SUPT20H: variants seen among roughly 807,000 people sequenced by gnomAD.
The protein encoded by SUPT20H is SPT20 homolog, SAGA complex component.
SUPT20H carries 82 observed loss-of-function variants against 122.8 expected under a neutral mutation model. The observed-to-expected ratio is 0.67, with a 90% CI of 0.56 to 0.80. The LOEUF (loss-of-function observed/expected upper bound fraction) is 0.80. Ranked by LOEUF, SUPT20H falls within the 30% of genes least tolerant of loss-of-function variation. SUPT20H has a pLI of 0.00. For missense variants in SUPT20H, 831 were observed against 921.6 expected (o/e 0.90, Z 1.27); for synonymous variants, 291 against 313.0 (o/e 0.93, Z 0.74).
chr13:37,023,266 G>A (rs1385298270), intron 19 of SUPT20H, among the ~76,000 whole-genome samples: 1 of 152,162 alleles, frequency 6.6e-6, no homozygotes, highest in Middle Eastern at 3.4e-3. Flanking sequence ...TATCTAATGC[G>A]AAGACCACCC....
chr13:37,056,711 C>G (rs547670147), intron 1 of SUPT20H, among the ~76,000 whole-genome samples: 1 of 150,902 alleles, frequency 6.6e-6, no homozygotes, highest in African/African-American at 2.4e-5. Flanking sequence ...CACATGTATA[C>G]ATATGTAACA....
intron 1 of SUPT20H, among the ~76,000 whole-genome samples, chr13:37,056,308 A>G (rs568723942): frequency 6.6e-6 from 1 of 152,372 alleles, no homozygotes; most frequent in African/African-American, 2.4e-5. Context: ...ATAAAGACAC[A>G]TGCACACGTA....
At chr13:37,050,505 TTC>T (rs1265829154) in intron 2 of SUPT20H, among the ~76,000 whole-genome samples, 41 of 152,132 alleles carry the variant, frequency 2.7e-4, no homozygotes, top group African/African-American at 9.9e-4. Context: ...ATACAGAAGG[TTC>T]TTTTAAATTT....
At chr13:37,042,027 G>A (rs1160147184) in intron 7 of SUPT20H, among the ~76,000 whole-genome samples, 1 of 152,196 alleles carries the variant, frequency 6.6e-6, no homozygotes, top group Non-Finnish European at 1.5e-5. Context: ...GTAGGAACAA[G>A]CTTGGAGTGT....
chr13:37,031,097 C>T (rs185576663), intron 12 of SUPT20H, among the ~76,000 whole-genome samples: 163 of 152,170 alleles, frequency 1.1e-3, no homozygotes, highest in Non-Finnish European at 1.8e-3. Flanking sequence ...ATAAAGAATA[C>T]AACCCAATGT....
In SUPT20H at chr13:37,022,956, C is replaced by A. The variant is rs1235590258; in HGVS notation, c.1592-876G>T. 2 of 1,243,080 alleles carry A rather than the reference C, an allele frequency of 1.6e-6. No individual in the cohort carries two copies. The highest frequency in any genetic ancestry group is 2.1e-6 in the Non-Finnish European group (2 of 966,632). 77.0% of individuals were successfully genotyped at this position (1,243,080 alleles called of 1,614,324 possible). ...TGTGAATGAAGTATGCACAGTTTAT[C>A]AATTTTTTAAAAAACAAAAACAAAA... On this transcript the variant is annotated intron_variant, in intron 19 of 25. Coordinates refer to ENST00000350612, the MANE Select transcript of SUPT20H (RefSeq NM_001014286.3). The surrounding 1 kb of genome is among the most constrained non-coding windows in gnomAD (Gnocchi z 4.5).
intron 5 of SUPT20H, 92 bp downstream of exon 5, chr13:37,047,443 A>T: frequency 7.7e-7 from 1 of 1,298,540 alleles, no homozygotes; most frequent in Non-Finnish European, 1.0e-6. Context: ...TAGTTCACTC[A>T]CACACACAAA....
chr13:37,051,416 A>C, intron 2 of SUPT20H, 72 bp downstream of exon 2: 2 of 1,484,552 alleles, frequency 1.3e-6, no homozygotes, highest in Middle Eastern at 2.0e-4. Flanking sequence ...TCTACCATAC[A>C]AATATCTTTA....
Position 37,047,883 on chromosome 13 carries a change from A to G in SUPT20H, c.93T>C (p.Ser31=), listed in dbSNP as rs1401111710. ...QRPPKRKYLS[S]GRKSVFQKLY... ...TACCAATTAATTATTCATACCTTCC[A>G]CTTGATAGGTATTTCCTTTTAGGAG... Residue 31 remains serine, a synonymous_variant, in exon 4 of 26, where the codon AGT becomes AGC. Transcript: ENST00000350612. 2 of 1,604,126 alleles carry G rather than the reference A, an allele frequency of 1.2e-6. No individual in the cohort carries two copies. The highest frequency in any genetic ancestry group is 1.7e-6 in the Non-Finnish European group (2 of 1,175,402).
chr13:37,033,535 G>A lies in SUPT20H; in HGVS notation c.621C>T (p.Leu207=). The change falls in exon 10 of 26, where the codon CTC becomes CTT. Residue 207 remains leucine, a synonymous_variant. Coordinates refer to ENST00000350612, the MANE Select transcript of SUPT20H (RefSeq NM_001014286.3). The stretch of plus-strand genomic sequence containing the variant: ...TGACTGCTATAGAAGGATCAAGACA[G>A]AGTGGTTCAGCTGTAGCTAGGATGA... ...SQLILATAEP[L]CLDPSIAVTC... 6.2e-7 allele frequency: 1 copy of A among 1,613,604 alleles called. No homozygotes were observed. The highest frequency in any genetic ancestry group is 8.5e-7 in the Non-Finnish European group (1 of 1,179,770).
At chr13:37,028,849 T>TC (rs2062785146) in intron 13 of SUPT20H, among the ~76,000 whole-genome samples, 1 of 151,576 alleles carries the variant, frequency 6.6e-6, no homozygotes. Flanking sequence ...AGTACAGGAT[T>TC]CTTTTTTACA....
At chr13:37,016,972 T>G (rs916241084) in intron 23 of SUPT20H, among the ~76,000 whole-genome samples, 9 of 152,120 alleles carry the variant, frequency 5.9e-5, no homozygotes, top group Non-Finnish European at 1.2e-4. Context: ...AGACCTAGGT[T>G]TGAATCTCTG....
chr13:37,015,671 C>A (rs1353571128), intron 23 of SUPT20H, among the ~76,000 whole-genome samples: 1 of 152,132 alleles, frequency 6.6e-6, no homozygotes, highest in African/African-American at 2.4e-5. Flanking sequence ...AGCAATCCAA[C>A]TTCTGGGTAT....
chr13:37,053,345 A>G (rs1415879205), intron 1 of SUPT20H, among the ~76,000 whole-genome samples: 1 of 137,592 alleles, frequency 7.3e-6, no homozygotes, highest in Non-Finnish European at 1.5e-5. Flanking sequence ...ATGCAGCCAT[A>G]AAAAAGAATG....
chr13:37,051,084 C>A (rs548802453), intron 2 of SUPT20H, among the ~76,000 whole-genome samples: 1 of 152,114 alleles, frequency 6.6e-6, no homozygotes, highest in Admixed American at 6.5e-5. Flanking sequence ...GCCTGAAATA[C>A]GTTATATGCA....
At chr13:37,056,092 G>A (rs1188934803) in intron 1 of SUPT20H, among the ~76,000 whole-genome samples, 4 of 152,268 alleles carry the variant, frequency 2.6e-5, no homozygotes, top group Non-Finnish European at 4.4e-5. Flanking sequence ...TTAGAATAGC[G>A]ATCATTAAAA....
chr13:37,021,037 T>TC (rs397943593), intron 21 of SUPT20H, among the ~76,000 whole-genome samples: 6 of 6,172 alleles, frequency 9.7e-4, no homozygotes, highest in Non-Finnish European at 6.0e-3. Flanking sequence ...ACACAAATGG[T>TC]AAGCTGTACA....
chr13:37,023,996 C>G (rs1689081657), intron 19 of SUPT20H, 39 bp downstream of exon 19: 1 of 1,575,406 alleles, frequency 6.3e-7, no homozygotes, highest in Non-Finnish European at 8.6e-7. Flanking sequence ...AATGCAAAAG[C>G]TTATGAAGAT....
intron 17 of SUPT20H, 119 bp from the exon 18 acceptor site, chr13:37,024,561 A>G: frequency 1.5e-6 from 1 of 670,122 alleles, no homozygotes; most frequent in Non-Finnish European, 2.2e-6. Context: ...TAAATCCCAG[A>G]TTTTTAACTC....
Sources: allele counts gnomAD v4.1 joint callset (sites outside exome capture counted in the v4.1 genomes callset), GRCh38; gene constraint gnomAD v4.1.1; non-coding constraint Gnocchi (gnomAD v3.1); transcripts MANE v1.5; gene names NCBI Gene and HGNC (gene_info 2026-07-23, HGNC 2026-07-21).